SFXN5: variants seen among roughly 807,000 people sequenced by gnomAD.
SFXN5 encodes sideroflexin 5.
A neutral mutation model predicts 50.2 loss-of-function variants in SFXN5; 43 were observed. That is an observed-to-expected ratio of 0.86 (90% CI 0.67 to 1.11). The LOEUF (loss-of-function observed/expected upper bound fraction) is 1.11. Ranked by LOEUF, SFXN5 falls within the 50% of genes least tolerant of loss-of-function variation. The pLI is 0.00. For synonymous variants in SFXN5, 203 were observed against 185.8 expected, an observed-to-expected ratio of 1.09 and a Z score of -0.75; for missense variants, 463 against 454.1, an observed-to-expected ratio of 1.02 and a Z score of -0.18.
chr2:73,026,294 A>ATT (rs759332481), intron 3 of SFXN5, among the ~76,000 whole-genome samples: 2 of 140,602 alleles, frequency 1.4e-5, no homozygotes, highest in Non-Finnish European at 3.1e-5. Context: ...TGCCTGGCTA[A>ATT]TTTTTTTTTT....
intron 12 of SFXN5, among the ~76,000 whole-genome samples, chr2:72,966,042 G>T (rs1573976332): frequency 6.6e-6 from 1 of 152,286 alleles, no homozygotes; most frequent in African/African-American, 2.4e-5. Context: ...ACAGTAAGCT[G>T]ATGTCCCCCA....
At chr2:73,044,188 C>T (rs1373751595) in intron 2 of SFXN5, among the ~76,000 whole-genome samples, 1 of 152,198 alleles carries the variant, frequency 6.6e-6, no homozygotes, top group African/African-American at 2.4e-5. Context: ...AAAGGGAGCC[C>T]TCCTACCAAA....
chr2:73,030,787 T>C (rs892373140), intron 3 of SFXN5, among the ~76,000 whole-genome samples: 7 of 152,228 alleles, frequency 4.6e-5, no homozygotes, highest in Admixed American at 3.3e-4. Flanking sequence ...TTACAAATCA[T>C]GTTCTGGTGA....
intron 6 of SFXN5, among the ~76,000 whole-genome samples, chr2:73,017,277 G>A (rs200004334): frequency 6.6e-6 from 1 of 152,164 alleles, no homozygotes; most frequent in Non-Finnish European, 1.5e-5. Context: ...GGGATAGGAA[G>A]CGGAGTGGAA....
At chr2:72,995,859 G>A (rs1673156618) in intron 9 of SFXN5, among the ~76,000 whole-genome samples, 1 of 152,210 alleles carries the variant, frequency 6.6e-6, no homozygotes, top group Non-Finnish European at 1.5e-5. Context: ...CAAGCAAGCT[G>A]CCGATTTTCC....
intron 12 of SFXN5, among the ~76,000 whole-genome samples, chr2:72,963,861 G>A (rs191410326): frequency 1.3e-5 from 2 of 152,266 alleles, no homozygotes; most frequent in East Asian, 3.9e-4. Context: ...GGTGCTGCAG[G>A]GAGGGTGTCA....
intron 10 of SFXN5, among the ~76,000 whole-genome samples, chr2:72,984,341 G>A (rs1035776864): frequency 4.6e-5 from 7 of 152,254 alleles, no homozygotes; most frequent in African/African-American, 1.4e-4. Context: ...CATCAGTCAC[G>A]TGACACAGGC....
intron 6 of SFXN5, among the ~76,000 whole-genome samples, chr2:73,003,435 G>A (rs538952516): frequency 5.3e-5 from 8 of 152,266 alleles, no homozygotes; most frequent in Admixed American, 1.3e-4. Flanking sequence ...GACACTGCCC[G>A]TGACACCACA....
intron 6 of SFXN5, among the ~76,000 whole-genome samples, chr2:73,017,277 G>C (rs200004334): frequency 1.3e-5 from 2 of 152,164 alleles, no homozygotes; most frequent in Admixed American, 1.3e-4. Context: ...GGGATAGGAA[G>C]CGGAGTGGAA....
chr2:72,998,853 C>A, intron 9 of SFXN5, 96 bp downstream of exon 9: 1 of 1,370,352 alleles, frequency 7.3e-7, no homozygotes, highest in Non-Finnish European at 1.0e-6. Flanking sequence ...CAAATCCTTG[C>A]CTGGCCTGGC....
chr2:72,964,384 C>T (rs529464792), intron 12 of SFXN5, among the ~76,000 whole-genome samples: 1 of 152,348 alleles, frequency 6.6e-6, no homozygotes, highest in Non-Finnish European at 1.5e-5. Flanking sequence ...GGGTGCGTGG[C>T]ACGGACCCTG....
intron 10 of SFXN5, among the ~76,000 whole-genome samples, chr2:72,971,918 A>G (rs1670055447): frequency 1.3e-5 from 2 of 152,058 alleles, no homozygotes; most frequent in African/African-American, 4.8e-5. Flanking sequence ...ATCAGGGAGG[A>G]CACCCGTTCT....
At chr2:72,996,515 T>TG (rs894984035) in intron 9 of SFXN5, 12 of 152,120 alleles carry the variant, frequency 7.9e-5, no homozygotes, top group East Asian at 3.9e-4. Context: ...TTGTTTTTTT[T>TG]TTTTTTTTTT....
intron 6 of SFXN5, among the ~76,000 whole-genome samples, chr2:73,008,115 G>A (rs1049832344): frequency 3.9e-5 from 6 of 152,192 alleles, no homozygotes; most frequent in African/African-American, 1.2e-4. Context: ...TGAAGTGGCC[G>A]ACACCAGCAT....
intron 3 of SFXN5, among the ~76,000 whole-genome samples, chr2:73,029,963 T>C (rs1256996233): frequency 6.6e-6 from 1 of 151,884 alleles, no homozygotes; most frequent in Non-Finnish European, 1.5e-5. Context: ...TCCCAGCTAC[T>C]TGGGAGGCTG....
At chr2:73,052,339 A>AGTGTGT (rs3043005) in intron 2 of SFXN5, among the ~76,000 whole-genome samples, 7 of 147,066 alleles carry the variant, frequency 4.8e-5, no homozygotes, top group South Asian at 2.2e-4. Flanking sequence ...TAAGAGAGAG[A>AGTGTGT]GTGTGTGTGT....
chr2:72,961,194 C>A lies in SFXN5; in HGVS notation c.882G>T (p.Val294=). Residue 294 remains valine, a synonymous_variant, in exon 13 of 14, where the codon GTG becomes GTT. Coordinates refer to ENST00000272433, the MANE Select transcript of SFXN5 (RefSeq NM_144579.3). The surrounding 1 kb of genome is among the most constrained non-coding windows in gnomAD (Gnocchi z 4.4). The part of the protein sequence containing the change: ...PRLLLPVQSL[V]CLAAFGLALP... ...GGGCCAGGCCGAAGGCTGCCAGGCA[C>A]ACGAGGCTTTGCACAGGGAGGAGCA... The A allele has an allele frequency of 6.4e-7, 1 of 1,566,180 alleles. No homozygotes were observed. The highest frequency in any genetic ancestry group is 8.6e-7 in the Non-Finnish European group (1 of 1,160,994).
chr2:72,963,504 A>T (rs1237486810), intron 12 of SFXN5, among the ~76,000 whole-genome samples: 1 of 151,524 alleles, frequency 6.6e-6, no homozygotes, highest in African/African-American at 2.4e-5. Context: ...AGCCCAGAGC[A>T]GGCCTGAGAG....
chr2:72,993,205 C>T (rs1051245413), intron 9 of SFXN5, among the ~76,000 whole-genome samples: 3 of 152,028 alleles, frequency 2.0e-5, no homozygotes, highest in South Asian at 2.1e-4. Flanking sequence ...GTGAGGGCAC[C>T]GGGGGCAAGG....
Sources: gnomAD v4.1 joint callset for allele counts (sites outside exome capture counted in the v4.1 genomes callset) on GRCh38, gnomAD v4.1.1 for gene constraint, Gnocchi (gnomAD v3.1) non-coding constraint, MANE v1.5 for transcripts, NCBI Gene and HGNC (gene_info 2026-07-23, HGNC 2026-07-21) for gene names.